DPYD: variants seen among roughly 807,000 people sequenced by gnomAD.
DPYD encodes the protein dihydropyrimidine dehydrogenase [NADP(+)].
In DPYD, 109 loss-of-function variants were observed where a neutral mutation model predicts 116.2. The observed-to-expected ratio is 0.94, with a 90% CI of 0.80 to 1.10. The LOEUF (loss-of-function observed/expected upper bound fraction) is 1.10. Among genes scored for constraint, DPYD ranks in the 50% least tolerant of loss-of-function variants. DPYD has a pLI of 0.00. For missense variants in DPYD, 1,302 were observed against 1,254.5 expected, an observed-to-expected ratio of 1.04 and a Z score of -0.57; for synonymous variants, 440 against 432.0, an observed-to-expected ratio of 1.02 and a Z score of -0.23.
chr1:97,371,784 C>G (rs923035831), intron 16 of DPYD, among the ~76,000 whole-genome samples: 1 of 152,132 alleles, frequency 6.6e-6, no homozygotes, highest in Non-Finnish European at 1.5e-5. Context: ...AATTTCTAAA[C>G]TTGGCTGATA....
At chr1:97,083,170 A>C (rs963530831) in intron 21 of DPYD, among the ~76,000 whole-genome samples, 1 of 152,164 alleles carries the variant, frequency 6.6e-6, no homozygotes, top group Non-Finnish European at 1.5e-5. Context: ...TGTGCCTAAT[A>C]TGTGAAGCAC....
intron 10 of DPYD, among the ~76,000 whole-genome samples, chr1:97,588,779 G>T (rs891233720): frequency 1.3e-5 from 2 of 152,180 alleles, no homozygotes; most frequent in Non-Finnish European, 2.9e-5. Context: ...CCACAAGGGA[G>T]CTGGAAAGAC....
At chr1:97,891,405 T>C (rs1054606074) in intron 1 of DPYD, among the ~76,000 whole-genome samples, 48 of 134,014 alleles carry the variant, frequency 3.6e-4, no homozygotes, top group African/African-American at 1.3e-3. Context: ...AAAGATACAC[T>C]GGTTATTCCA....
intron 13 of DPYD, among the ~76,000 whole-genome samples, chr1:97,482,831 A>T (rs1286169926): frequency 6.6e-6 from 1 of 152,080 alleles, no homozygotes; most frequent in African/African-American, 2.4e-5. Flanking sequence ...TCTTTTATAT[A>T]ACCTCTCAAG....
chr1:97,140,517 T>A (rs754455193), intron 20 of DPYD, among the ~76,000 whole-genome samples: 7 of 152,118 alleles, frequency 4.6e-5, no homozygotes, highest in Non-Finnish European at 1.0e-4. Context: ...CCTGATTGCA[T>A]CAATATCACA....
intron 3 of DPYD, among the ~76,000 whole-genome samples, chr1:97,816,279 A>T (rs1291808385): frequency 6.6e-6 from 1 of 151,828 alleles, no homozygotes; most frequent in African/African-American, 2.4e-5. Flanking sequence ...TTTCACTCAA[A>T]AAAAGAGAAA....
At chr1:97,124,679 C>G (rs1652700489) in intron 20 of DPYD, among the ~76,000 whole-genome samples, 1 of 151,864 alleles carries the variant, frequency 6.6e-6, no homozygotes, top group African/African-American at 2.4e-5. Context: ...TATAAGTCCA[C>G]TGAGGAAAGT....
intron 3 of DPYD, among the ~76,000 whole-genome samples, chr1:97,749,243 T>C (rs1664734982): frequency 1.3e-5 from 2 of 152,234 alleles, no homozygotes; most frequent in Admixed American, 1.3e-4. Context: ...CTGAAAGTTA[T>C]ACATTGCTTT....
rs149843476 is a variant in DPYD, at chr1:97,699,461, A to T, written c.570T>A (p.Ile190=). 1.2e-6 allele frequency: 2 copies of T among 1,613,732 alleles called. No individual in the cohort carries two copies. Among genetic ancestry groups the T allele is most frequent in the Non-Finnish European group, 1.7e-6 (2 of 1,179,736 alleles). The change falls in exon 6 of 23, where the codon ATT becomes ATA. Residue 190 remains isoleucine, a synonymous_variant. Transcript: ENST00000370192. The part of the protein sequence containing the change: ...EKMSEAYSAK[I]ALFGAGPASI... ...TTGCAGGCCCAGCACCAAAAAGAGC[A>T]ATCTTTGCAGAATAGGCTTCAGACA...
chr1:97,357,773 G>A (rs149219630), intron 16 of DPYD, among the ~76,000 whole-genome samples: 317 of 152,264 alleles, frequency 2.1e-3, no homozygotes, highest in African/African-American at 7.2e-3. Context: ...CTGCTTATGA[G>A]TGAGAATATG....
chr1:97,863,215 CTT>C (rs1671208462), intron 2 of DPYD, among the ~76,000 whole-genome samples: 1 of 151,844 alleles, frequency 6.6e-6, no homozygotes, highest in African/African-American at 2.4e-5. Flanking sequence ...CCTCCCCTTT[CTT>C]TGATAAAGAA....
intron 10 of DPYD, among the ~76,000 whole-genome samples, chr1:97,591,017 C>T (rs1158244505): frequency 6.6e-6 from 1 of 152,204 alleles, no homozygotes; most frequent in South Asian, 2.1e-4. Flanking sequence ...TCTGTCCTCT[C>T]TTACTCTATT....
At chr1:97,488,982 A>G (rs1030054988) in intron 13 of DPYD, among the ~76,000 whole-genome samples, 2 of 152,180 alleles carry the variant, frequency 1.3e-5, no homozygotes, top group African/African-American at 4.8e-5. Flanking sequence ...GCTTCAGTAA[A>G]AGTTGCTAAC....
intron 21 of DPYD, among the ~76,000 whole-genome samples, chr1:97,089,695 T>C (rs1400164460): frequency 1.5e-5 from 2 of 135,720 alleles, no homozygotes; most frequent in East Asian, 3.9e-4. Flanking sequence ...GCATGGTAAA[T>C]GCTATGCTAT....
chr1:97,274,390 C>A (rs1664790860), intron 18 of DPYD, among the ~76,000 whole-genome samples: 1 of 152,054 alleles, frequency 6.6e-6, no homozygotes, highest in South Asian at 2.1e-4. Context: ...TCTCTTGTGC[C>A]CTCTCTTGCC....
chr1:97,447,629 A>C (rs1676163502), intron 14 of DPYD, among the ~76,000 whole-genome samples: 2 of 152,184 alleles, frequency 1.3e-5, no homozygotes, highest in Admixed American at 1.3e-4. Context: ...CTAAGAGAAG[A>C]AAATTATCTC....
At chr1:97,332,322 C>A (rs976075067) in intron 16 of DPYD, among the ~76,000 whole-genome samples, 3 of 152,146 alleles carry the variant, frequency 2.0e-5, no homozygotes, top group Admixed American at 1.3e-4. Flanking sequence ...TAAAAATGTA[C>A]ATGTATAAAA....
chr1:97,231,274 C>T (rs567183093), intron 19 of DPYD, among the ~76,000 whole-genome samples: 1 of 152,202 alleles, frequency 6.6e-6, no homozygotes, highest in Admixed American at 6.5e-5. Flanking sequence ...GGCAATATGC[C>T]CAGTTGGAAG....
intron 19 of DPYD, among the ~76,000 whole-genome samples, chr1:97,212,724 G>A (rs930745782): frequency 3.3e-5 from 5 of 152,052 alleles, no homozygotes; most frequent in African/African-American, 4.8e-5. Flanking sequence ...CATCCTCACC[G>A]TCATTAAGTA....
Sources: allele counts gnomAD v4.1 joint callset (sites outside exome capture counted in the v4.1 genomes callset), GRCh38; gene constraint gnomAD v4.1.1; transcripts MANE v1.5; gene names NCBI Gene and HGNC (gene_info 2026-07-23, HGNC 2026-07-21).